The following GNAI1 variants were observed in gnomAD, a reference collection of about 807,000 sequenced individuals.
The protein encoded by GNAI1 is guanine nucleotide-binding protein G(i) subunit alpha-1.
A neutral mutation model predicts 38.9 loss-of-function variants in GNAI1; 11 were observed. The observed-to-expected ratio is 0.28, with a 90% confidence interval of 0.18 to 0.47. The LOEUF is 0.47. GNAI1 is among the 20% of genes least tolerant of loss of function. The probability of loss-of-function intolerance (pLI) is 0.99; values close to 1 mark genes in which losing one functional copy is unlikely to be tolerated. For synonymous variants in GNAI1, 166 were observed against 145.1 expected (o/e 1.14, Z -1.04); for missense variants, 317 against 436.9 (o/e 0.73, Z 2.45).
chr7:80,189,068 T>A (rs1461608297), intron 2 of GNAI1, 22 bp from the exon 3 acceptor site: 1 of 1,604,314 alleles, frequency 6.2e-7, no homozygotes, highest in East Asian at 2.2e-5. Context: ...ATAATTCTTT[T>A]TTTTCCCTTT....
At chr7:80,157,823 C>G (rs1787845792) in intron 1 of GNAI1, among the ~76,000 whole-genome samples, 1 of 152,192 alleles carries the variant, frequency 6.6e-6, no homozygotes, top group Non-Finnish European at 1.5e-5. Flanking sequence ...TCTCCTGCCT[C>G]AGGCTCCCAG....
At chr7:80,217,244 T>TTTCATATGTATGAAACTGA in intron 7 of GNAI1, 59 bp from the exon 8 acceptor site, 22 of 1,093,744 alleles carry the variant, frequency 2.0e-5, no homozygotes, top group Non-Finnish European at 2.5e-5. Flanking sequence ...CTGAATTCAG[T>TTTCATATGTATGAAACTGA]ATTTTAAGCA....
chr7:80,160,508 T>C (rs1371451541), intron 1 of GNAI1, among the ~76,000 whole-genome samples: 1 of 152,130 alleles, frequency 6.6e-6, no homozygotes, highest in Non-Finnish European at 1.5e-5. Flanking sequence ...TCAGTATAGG[T>C]CAAAGTTTGG....
chr7:80,190,760 A>G (rs1788466500), intron 3 of GNAI1, among the ~76,000 whole-genome samples: 1 of 152,110 alleles, frequency 6.6e-6, no homozygotes, highest in Non-Finnish European at 1.5e-5. Flanking sequence ...TGGATCTTTT[A>G]TGTGCTTACG....
intron 6 of GNAI1, among the ~76,000 whole-genome samples, chr7:80,211,339 A>G (rs1232855620): frequency 7.2e-5 from 11 of 152,218 alleles, no homozygotes; most frequent in Admixed American, 7.2e-4. Flanking sequence ...TCTAATATCA[A>G]CATAGCACAT....
At chr7:80,211,168 C>T in intron 6 of GNAI1, 70 bp downstream of exon 6, 1 of 1,369,624 alleles carries the variant, frequency 7.3e-7, no homozygotes. Context: ...GAATTTCTTT[C>T]TAATGTCTAT....
intron 1 of GNAI1, among the ~76,000 whole-genome samples, chr7:80,179,652 A>G (rs560728584): frequency 4.3e-4 from 66 of 152,292 alleles, no homozygotes; most frequent in African/African-American, 1.5e-3. Context: ...CTAACAATTT[A>G]CCATATCACC....
chr7:80,151,612 A>C (rs1041885790), intron 1 of GNAI1, among the ~76,000 whole-genome samples: 1 of 152,234 alleles, frequency 6.6e-6, no homozygotes, highest in Admixed American at 6.5e-5. Context: ...CAGTGGAATA[A>C]ATGCCTCAAT....
intron 1 of GNAI1, chr7:80,135,864 C>CT (rs1280926156): frequency 4.1e-6 from 4 of 985,278 alleles, no homozygotes. Context: ...TACATTCCCC[C>CT]TGCGCTGAGA....
chr7:80,172,484 G>A (rs1226738998), intron 1 of GNAI1, among the ~76,000 whole-genome samples: 1 of 152,144 alleles, frequency 6.6e-6, no homozygotes, highest in African/African-American at 2.4e-5. Context: ...CATACCTTGA[G>A]TATTTATTTT....
intron 1 of GNAI1, among the ~76,000 whole-genome samples, chr7:80,160,359 G>A (rs750491255): frequency 1.9e-4 from 29 of 151,744 alleles, no homozygotes; most frequent in African/African-American, 3.6e-4. Context: ...TTAATAACTC[G>A]TTTGTGTTTA....
At chr7:80,164,302 A>G (rs1463876759) in intron 1 of GNAI1, among the ~76,000 whole-genome samples, 1 of 149,328 alleles carries the variant, frequency 6.7e-6, no homozygotes, top group Non-Finnish European at 1.5e-5. Flanking sequence ...CGGCCTCCCA[A>G]AGTGCTGGGA....
intron 3 of GNAI1, among the ~76,000 whole-genome samples, chr7:80,196,455 T>G (rs761254992): frequency 3.9e-5 from 6 of 152,026 alleles, no homozygotes; most frequent in Non-Finnish European, 7.4e-5. Context: ...CATTTATATT[T>G]ATAGATGTTA....
Position 80,135,087 on chromosome 7 carries a change from GA to G in GNAI1, c.-71del. On this transcript the variant is annotated 5_prime_UTR_variant, in exon 1 of 8. Transcript: ENST00000649796. The stretch of plus-strand genomic sequence containing the variant: ...GCGTTCGAACGCCCGCTAGGAGAGA[GA>G]AAGGATTCCCCTGTGCTTGGAGCCC... 1 of 1,028,022 alleles carries G rather than the reference GA, an allele frequency of 9.7e-7. No individual in the cohort carries two copies. The highest frequency in any genetic ancestry group is 1.3e-6 in the Non-Finnish European group (1 of 745,836). 63.7% of individuals were successfully genotyped at this position (1,028,022 alleles called of 1,614,324 possible).
At chr7:80,158,078 C>T (rs1395937608) in intron 1 of GNAI1, among the ~76,000 whole-genome samples, 2 of 152,050 alleles carry the variant, frequency 1.3e-5, no homozygotes, top group African/African-American at 4.8e-5. Flanking sequence ...AAGTTTTTAG[C>T]CCATTTTTAA....
rs1789049345 is a variant in GNAI1 at position 80,220,302 on chromosome 7, A to G, written c.*2809A>G. ...GGGAAGTGTTCATTTGTGTCTGTCA[A>G]TGTTATTTTTATTAGCACTTTTAAA... On this transcript the variant is annotated 3_prime_UTR_variant, in exon 8 of 8. Coordinates refer to ENST00000649796, the MANE Select transcript of GNAI1 (RefSeq NM_002069.6). 1.3e-5 allele frequency among the ~76,000 whole-genome samples: 2 copies of G among 152,192 alleles called. No individual in the cohort carries two copies. The highest frequency in any genetic ancestry group is 6.5e-5 in the Admixed American group (1 of 15,272).
At chr7:80,180,067 A>G (rs1389354907) in intron 1 of GNAI1, among the ~76,000 whole-genome samples, 8 of 152,202 alleles carry the variant, frequency 5.3e-5, no homozygotes, top group Admixed American at 2.0e-4. Context: ...GCAGCTTGGC[A>G]TAGGAAATGT....
At chr7:80,164,767 C>T (rs1228380198) in intron 1 of GNAI1, among the ~76,000 whole-genome samples, 2 of 152,164 alleles carry the variant, frequency 1.3e-5, no homozygotes, top group African/African-American at 4.8e-5. Context: ...TAACATCCTC[C>T]ATGATTTCTC....
In GNAI1 at chr7:80,189,013, A is replaced by C. The variant is rs771114321; in HGVS notation, c.161+20A>C. 1.2e-6 allele frequency: 2 copies of C among 1,606,626 alleles called. No homozygotes were observed. The highest frequency in any genetic ancestry group is 1.7e-6 in the Non-Finnish European group (2 of 1,173,634). On this transcript the variant is annotated intron_variant, in intron 2 of 7. Transcript: ENST00000649796. ...GATGAAGTAAGTAGATTTAAACACC[A>C]AATTTGCTGTTTAAGTTAGTGTACC...
Sources: allele counts gnomAD v4.1 joint callset (sites outside exome capture counted in the v4.1 genomes callset), GRCh38; gene constraint gnomAD v4.1.1; transcripts MANE v1.5; gene names NCBI Gene and HGNC (gene_info 2026-07-23, HGNC 2026-07-21).